The following CD3E variants were observed in gnomAD, a reference collection of about 807,000 sequenced individuals.
The protein encoded by CD3E is T-cell surface glycoprotein CD3 epsilon chain.
In CD3E, 16 loss-of-function variants were observed where a neutral mutation model predicts 34.7. The observed-to-expected ratio is 0.46, with a 90% CI of 0.31 to 0.70. The LOEUF (loss-of-function observed/expected upper bound fraction) is 0.70. CD3E is among the 30% of genes least tolerant of loss of function. CD3E has a pLI of 0.05. For missense variants in CD3E, 223 were observed against 253.9 expected, an observed-to-expected ratio of 0.88 and a Z score of 0.83; for synonymous variants, 70 against 90.8, an observed-to-expected ratio of 0.77 and a Z score of 1.30.
intron 7 of CD3E, 75 bp from the exon 8 acceptor site, chr11:118,314,373 G>T (rs1443029407): frequency 8.1e-7 from 1 of 1,241,192 alleles, no homozygotes; most frequent in South Asian, 1.2e-5. Flanking sequence ...CTCTATCTGG[G>T]TCTCACTGGC....
intron 8 of CD3E, among the ~76,000 whole-genome samples, chr11:118,315,176 G>T (rs575255494): frequency 6.6e-6 from 1 of 152,214 alleles, no homozygotes; most frequent in African/African-American, 2.4e-5. Context: ...ACAAATATTT[G>T]TTGAGCCAAA....
At chr11:118,307,171 G>A (rs1948111594) in intron 2 of CD3E, 117 bp from the exon 3 acceptor site, 3 of 768,524 alleles carry the variant, frequency 3.9e-6, no homozygotes, top group South Asian at 3.2e-5. Context: ...CCAGCAGCAA[G>A]AGGGAAGGAC....
In CD3E at chr11:118,312,836, G is replaced by T. The variant is rs760138592; in HGVS notation, c.322G>T (p.Ala108Ser). Reference protein sequence around the residue: ...CYPRGSKPEDANFYLYLRARV... With the variant: ...CYPRGSKPEDSNFYLYLRARV... ...CCCCAGAGGAAGCAAACCAGAAGATGCGAACTTTTATCTCTACCTGAGGGC... is the reference window on the plus strand; with the variant it reads ...CCCCAGAGGAAGCAAACCAGAAGATTCGAACTTTTATCTCTACCTGAGGGC... Residue 108 changes from alanine to serine, a missense_variant, in exon 6 of 9, where the codon GCG becomes TCG. Ala to Ser is a moderately conservative substitution (Grantham distance 99, BLOSUM62 1). Coordinates refer to ENST00000361763, the MANE Select transcript of CD3E (RefSeq NM_000733.4). 1.2e-6 allele frequency: 2 copies of T among 1,614,196 alleles called. No homozygotes were observed. Among genetic ancestry groups the T allele is most frequent in the South Asian group, 2.2e-5 (2 of 91,082 alleles).
At position 118,313,845 on chromosome 11, in the gene CD3E, G is replaced by A. The variant is rs376803194; in HGVS notation, c.491G>A (p.Arg164Gln). ...NRKAKAKPVT[R>Q]GAGAGGRQRG... is the part of the protein sequence containing the mutation. ...AAGGCCAAGGCCAAGCCTGTGACAC[G>A]AGGAGCGGGTGCTGGCGGCAGGCAA... The change falls in exon 7 of 9, where the codon CGA becomes CAA. Residue 164 changes from arginine (R) to glutamine (Q), a missense_variant. Transcript: ENST00000361763. The A allele has an allele frequency of 5.6e-6, 9 of 1,613,700 alleles. No homozygotes were observed. The highest frequency in any genetic ancestry group is 2.2e-5 in the East Asian group (1 of 44,886).
intron 2 of CD3E, among the ~76,000 whole-genome samples, chr11:118,306,498 A>G (rs763582437): frequency 1.1e-4 from 2 of 17,952 alleles, no homozygotes; most frequent in Admixed American, 6.4e-4. Context: ...TAAATAAATA[A>G]ATAAATAAAT....
At chr11:118,312,936 G>A in intron 6 of CD3E, 70 bp downstream of exon 6, 1 of 1,588,362 alleles carries the variant, frequency 6.3e-7, no homozygotes, top group South Asian at 1.1e-5. Context: ...CATTCTCAGT[G>A]ATTTTCCCTA....
At chr11:118,306,202 G>A (rs1948104342) in intron 2 of CD3E, among the ~76,000 whole-genome samples, 1 of 152,204 alleles carries the variant, frequency 6.6e-6, no homozygotes, top group East Asian at 1.9e-4. Context: ...GAAGAAGGAG[G>A]AGGAGGAGAA....
At chr11:118,315,401 G>A (rs568938400) in intron 8 of CD3E, 85 bp from the exon 9 acceptor site, 16 of 1,155,794 alleles carry the variant, frequency 1.4e-5, no homozygotes, top group Admixed American at 3.6e-5. Flanking sequence ...TTCTTCCCAC[G>A]CACTAAAGCT....
chr11:118,313,188 T>G, intron 6 of CD3E: 1 of 404,712 alleles, frequency 2.5e-6, no homozygotes, highest in South Asian at 2.5e-5. Context: ...TAATGCTTCC[T>G]CCAGAGATAA....
In CD3E at chr11:118,313,995, C is replaced by G. The variant is rs1019900729; in HGVS notation, c.520+121C>G. 3.9e-5 allele frequency: 35 copies of G among 889,194 alleles called. 1 individual carries two copies. The Middle Eastern group carries it at 1.3e-3, about 32-fold the overall frequency. 55.1% of individuals were successfully genotyped at this position (889,194 alleles called of 1,614,324 possible). Reference sequence around the variant, plus strand: ...GCTTCTCTAGAGCTTCTATGCACAGCTTCTATTACTGTGATGACAAGATCT... The same window carrying G: ...GCTTCTCTAGAGCTTCTATGCACAGGTTCTATTACTGTGATGACAAGATCT... On this transcript the variant is annotated intron_variant, in intron 7 of 8. Transcript: ENST00000361763.
rs1051945716 is a variant in CD3E at position 118,304,917 on chromosome 11, G to A, written c.-36G>A. The A allele has an allele frequency of 8.1e-6, 13 of 1,605,580 alleles. No individual in the cohort carries two copies. The highest frequency in any genetic ancestry group is 5.0e-5 in the Admixed American group (3 of 59,986). On this transcript the variant is annotated 5_prime_UTR_variant, in exon 2 of 9. Coordinates refer to ENST00000361763, the MANE Select transcript of CD3E (RefSeq NM_000733.4). ...AGAAGTAGTAAGTCTGCTGGCCTCC[G>A]CCATCTTAGTAAAGTAACAGTCCCA...
At chr11:118,306,079 G>A (rs1484017115) in intron 2 of CD3E, among the ~76,000 whole-genome samples, 1 of 152,170 alleles carries the variant, frequency 6.6e-6, no homozygotes, top group South Asian at 2.1e-4. Flanking sequence ...TTAATCTGCT[G>A]CTGGTCCTAG....
chr11:118,315,735 T>C lies in CD3E; in HGVS notation c.*193T>C, dbSNP rs1948163052. On this transcript the variant is annotated 3_prime_UTR_variant, in exon 9 of 9. Transcript: ENST00000361763. ...TCTGCTGGTACCCAGTCCTAAAATA[T>C]TGCTGCTTCCTCTTCCTTTGAAGCA... 3.1e-6 allele frequency: 2 copies of C among 638,526 alleles called. No individual in the cohort carries two copies. The highest frequency in any genetic ancestry group is 1.8e-5 in the African/African-American group (1 of 55,534). The allele number at this position is 638,526 out of a possible 1,614,324, so 39.6% of individuals were successfully genotyped here.
At chr11:118,307,538 T>C (rs778132376) in intron 3 of CD3E, among the ~76,000 whole-genome samples, 6 of 152,012 alleles carry the variant, frequency 3.9e-5, no homozygotes, top group African/African-American at 4.8e-5. Flanking sequence ...AAAAGAAAAA[T>C]TGAGACTTAA....
intron 6 of CD3E, 103 bp from the exon 7 acceptor site, chr11:118,313,604 A>G (rs944743484): frequency 1.9e-6 from 2 of 1,068,950 alleles, no homozygotes; most frequent in Non-Finnish European, 2.9e-6. Flanking sequence ...CAAGCGTGTG[A>G]GTAGTAAGGG....
At chr11:118,312,019 G>A (rs1484749838) in intron 4 of CD3E, 134 bp from the exon 5 acceptor site, 19 of 774,780 alleles carry the variant, frequency 2.5e-5, no homozygotes, top group Admixed American at 2.0e-4. Context: ...TCCAAGACTC[G>A]GGGTTCCTAA....
intron 3 of CD3E, among the ~76,000 whole-genome samples, chr11:118,308,109 T>A (rs1240824529): frequency 6.6e-6 from 1 of 151,272 alleles, no homozygotes; most frequent in East Asian, 2.0e-4. Context: ...GCAGAGGTTG[T>A]AGTGAGCCGA....
chr11:118,305,074 C>T (rs1375411414), intron 2 of CD3E, 73 bp downstream of exon 2: 14 of 1,289,460 alleles, frequency 1.1e-5, no homozygotes, highest in Non-Finnish European at 1.2e-5. Flanking sequence ...CCTGGCACTG[C>T]CTAGTGGCAC....
intron 2 of CD3E, among the ~76,000 whole-genome samples, chr11:118,305,628 ACTT>A (rs1458558012): frequency 1.3e-5 from 2 of 152,206 alleles, no homozygotes; most frequent in African/African-American, 4.8e-5. Flanking sequence ...GTTTAATCCT[ACTT>A]CTGCCTAGGA....
Sources: gnomAD v4.1 joint callset for allele counts (sites outside exome capture counted in the v4.1 genomes callset) on GRCh38, gnomAD v4.1.1 for gene constraint, MANE v1.5 for transcripts, NCBI Gene and HGNC (gene_info 2026-07-23, HGNC 2026-07-21) for gene names.